Variants in TMC1 observed in about 807,000 individuals in gnomAD.
TMC1 encodes the protein transmembrane channel-like protein 1.
Under a neutral mutation model 105.8 loss-of-function variants are expected in TMC1, and 84 were observed. That is an observed-to-expected ratio of 0.79 (90% confidence interval 0.67 to 0.95). The LOEUF is 0.95. Ranked by LOEUF, TMC1 falls within the 40% of genes least tolerant of loss-of-function variation. TMC1 has a pLI of 0.00. For synonymous variants in TMC1, 315 were observed against 311.5 expected (o/e 1.01, Z -0.12); for missense variants, 817 against 914.1 (o/e 0.89, Z 1.37).
chr9:72,609,634 T>C (rs1007330639), intron 2 of TMC1, among the ~76,000 whole-genome samples: 1 of 152,130 alleles, frequency 6.6e-6, no homozygotes, highest in Non-Finnish European at 1.5e-5. Flanking sequence ...ATACCAAAAC[T>C]CTTTTTAATA....
chr9:72,821,042 T>C lies in TMC1; in HGVS notation c.1964T>C (p.Ile655Thr). The C allele has an allele frequency of 1.2e-6, 2 of 1,614,204 alleles. No individual in the cohort carries two copies. Among genetic ancestry groups the C allele is most frequent in the Non-Finnish European group, 1.7e-6 (2 of 1,180,026 alleles). Residue 655 changes from isoleucine to threonine, a missense_variant, in exon 20 of 24, where the codon ATC becomes ACC. Transcript: ENST00000297784. The stretch of plus-strand genomic sequence containing the variant: ...TCCACAATGCCTGTCTTGTACATGA[T>C]CGTGTCCCTCCCACCATCTTTTGAT... The part of the protein sequence containing the change: ...FLSTMPVLYM[I>T]VSLPPSFDCG...
intron 12 of TMC1, among the ~76,000 whole-genome samples, chr9:72,767,442 T>G (rs1033388311): frequency 1.3e-5 from 2 of 152,200 alleles, no homozygotes; most frequent in Non-Finnish European, 2.9e-5. Context: ...CAAATAATTA[T>G]GAAGGAGATG....
At chr9:72,832,658 T>C (rs1468028731) in intron 23 of TMC1, among the ~76,000 whole-genome samples, 1 of 152,168 alleles carries the variant, frequency 6.6e-6, no homozygotes, top group Non-Finnish European at 1.5e-5. Context: ...GACTTGGTTT[T>C]GTTGCCTTCT....
At chr9:72,835,827 A>G (rs1431881979) in intron 23 of TMC1, 124 bp from the exon 24 acceptor site, 3 of 1,045,830 alleles carry the variant, frequency 2.9e-6, no homozygotes, top group Admixed American at 4.5e-5. Context: ...GACAATACAG[A>G]TTTCTGGCCA....
At chr9:72,825,929 T>C (rs149753055) in intron 20 of TMC1, among the ~76,000 whole-genome samples, 116 of 152,224 alleles carry the variant, frequency 7.6e-4, no homozygotes, top group African/African-American at 2.6e-3. Flanking sequence ...TGGAAGATAG[T>C]ATTGGTTAGA....
At chr9:72,593,566 A>G (rs1203881050) in intron 2 of TMC1, among the ~76,000 whole-genome samples, 1 of 150,946 alleles carries the variant, frequency 6.6e-6, no homozygotes, top group Non-Finnish European at 1.5e-5. Flanking sequence ...CTAATTTCGT[A>G]TTTTTAGTAG....
chr9:72,676,113 G>A (rs1207009990), intron 5 of TMC1, among the ~76,000 whole-genome samples: 1 of 152,126 alleles, frequency 6.6e-6, no homozygotes, highest in Non-Finnish European at 1.5e-5. Context: ...TTTGAATTTG[G>A]CTGCCTCTTC....
intron 4 of TMC1, among the ~76,000 whole-genome samples, chr9:72,641,895 G>C (rs1466829325): frequency 7.3e-6 from 1 of 137,444 alleles, no homozygotes; most frequent in African/African-American, 2.8e-5. Context: ...TCGGCTCACT[G>C]CACTCTCCAC....
intron 17 of TMC1, among the ~76,000 whole-genome samples, chr9:72,794,791 A>G (rs962255352): frequency 6.6e-6 from 1 of 152,198 alleles, no homozygotes; most frequent in Admixed American, 6.5e-5. Flanking sequence ...AGCTGAAATG[A>G]CTGAAATAGA....
intron 4 of TMC1, among the ~76,000 whole-genome samples, chr9:72,632,335 C>T (rs1037033824): frequency 6.6e-6 from 1 of 152,206 alleles, no homozygotes; most frequent in African/African-American, 2.4e-5. Flanking sequence ...ACACCTCCCA[C>T]TAGGCCCACC....
At chr9:72,629,191 TG>T (rs1293466996) in intron 4 of TMC1, among the ~76,000 whole-genome samples, 1 of 152,212 alleles carries the variant, frequency 6.6e-6, no homozygotes, top group Non-Finnish European at 1.5e-5. Context: ...AGCCTATGAA[TG>T]GCAGAGCTGG....
At chr9:72,766,519 G>A (rs1017855701) in intron 12 of TMC1, among the ~76,000 whole-genome samples, 9 of 152,106 alleles carry the variant, frequency 5.9e-5, no homozygotes, top group African/African-American at 2.2e-4. Flanking sequence ...CCATTTGTTG[G>A]AGGGACAAGG....
chr9:72,619,416 CACA>C (rs1165671963), intron 3 of TMC1, among the ~76,000 whole-genome samples: 2 of 152,168 alleles, frequency 1.3e-5, no homozygotes, highest in African/African-American at 4.8e-5. Context: ...GTAAAACACA[CACA>C]ACAAGTCATA....
intron 2 of TMC1, among the ~76,000 whole-genome samples, chr9:72,614,791 G>A (rs1401210309): frequency 6.6e-6 from 1 of 152,034 alleles, no homozygotes; most frequent in Non-Finnish European, 1.5e-5. Flanking sequence ...AGTGATTCTT[G>A]TGTCTCAGCC....
intron 8 of TMC1, among the ~76,000 whole-genome samples, chr9:72,708,038 T>G (rs1826773100): frequency 6.6e-6 from 1 of 152,202 alleles, no homozygotes; most frequent in South Asian, 2.1e-4. Flanking sequence ...CCCCACATTA[T>G]GTTTTTGTTT....
At chr9:72,628,099 G>T (rs1361602187) in intron 4 of TMC1, 36 bp downstream of exon 4, 1 of 455,406 alleles carries the variant, frequency 2.2e-6, no homozygotes, top group Non-Finnish European at 4.4e-6. Flanking sequence ...AGCACGTTTT[G>T]GTGCCTAGCA....
rs1009542122 is a variant in TMC1 at position 72,735,174 on chromosome 9, A to G, written c.363-4945A>G. On this transcript the variant is annotated intron_variant, in intron 8 of 23. Transcript: ENST00000297784. The stretch of plus-strand genomic sequence containing the variant: ...GGTTACAGCTCAGAGAGCTGTGCAT[A>G]TTGTAGCACGGTTTGCTTCAGCTCT... Among the ~76,000 whole-genome samples the G allele has an allele frequency of 1.9e-4, 29 of 152,294 alleles. 1 individual carries two copies. Among genetic ancestry groups the G allele is most frequent in the African/African-American group, 7.0e-4 (29 of 41,562 alleles).
At chr9:72,830,050 G>T (rs72733097) in intron 21 of TMC1, among the ~76,000 whole-genome samples, 13,064 of 152,136 alleles carry the variant, frequency 0.086, 669 homozygotes, top group Non-Finnish European at 0.13. Context: ...CTTTTTGTTC[G>T]GCATGTTCCC....
At chr9:72,587,316 G>A (rs1052613430) in intron 2 of TMC1, among the ~76,000 whole-genome samples, 1 of 151,982 alleles carries the variant, frequency 6.6e-6, no homozygotes, top group Admixed American at 6.6e-5. Flanking sequence ...GCGCCACCAC[G>A]CCCAGCTAAT....
Sources: gnomAD v4.1 joint callset for allele counts (sites outside exome capture counted in the v4.1 genomes callset) on GRCh38, gnomAD v4.1.1 for gene constraint, MANE v1.5 for transcripts, NCBI Gene and HGNC (gene_info 2026-07-23, HGNC 2026-07-21) for gene names.